The following MYO9A variants were observed in gnomAD, a reference collection of about 807,000 sequenced individuals.
MYO9A encodes the protein unconventional myosin-IXa.
In MYO9A, 103 loss-of-function variants were observed where a neutral mutation model predicts 293.3. The ratio of observed to expected loss-of-function variants is 0.35; its 90% CI spans 0.30 to 0.41. MYO9A has a LOEUF of 0.41. MYO9A is among the 10% of genes least tolerant of loss of function. The pLI, the probability that MYO9A is intolerant of heterozygous loss-of-function variation, is 1.00. For missense variants in MYO9A, 2,685 were observed against 3,033.0 expected (o/e 0.89, Z 2.69); for synonymous variants, 1,001 against 1,035.7 (o/e 0.97, Z 0.64).
chr15:72,044,821 G>A (rs1382611734), intron 2 of MYO9A, among the ~76,000 whole-genome samples: 1 of 151,968 alleles, frequency 6.6e-6, no homozygotes, highest in African/African-American at 2.4e-5. Flanking sequence ...AGTTAGACAC[G>A]ACCTGACTCT....
At chr15:72,044,463 A>G (rs2078322885) in intron 2 of MYO9A, among the ~76,000 whole-genome samples, 1 of 152,126 alleles carries the variant, frequency 6.6e-6, no homozygotes, top group South Asian at 2.1e-4. Context: ...CACAGTCATC[A>G]TGAAGTACAA....
intron 15 of MYO9A, among the ~76,000 whole-genome samples, chr15:71,939,378 CCTCA>C (rs1299564302): frequency 4.6e-5 from 7 of 152,148 alleles, no homozygotes; most frequent in African/African-American, 1.7e-4. Context: ...TTCAACTAGA[CCTCA>C]CTGTCTGTTG....
intron 1 of MYO9A, among the ~76,000 whole-genome samples, chr15:72,083,232 C>T (rs1174742160): frequency 6.6e-6 from 1 of 152,092 alleles, no homozygotes; most frequent in Non-Finnish European, 1.5e-5. Flanking sequence ...CCAATTTCTT[C>T]CTGGTTGAGT....
At chr15:71,852,362 CTTTTT>C (rs1159987320) in intron 35 of MYO9A, 102 bp from the exon 36 acceptor site, 399 of 613,028 alleles carry the variant, frequency 6.5e-4, no homozygotes, top group East Asian at 1.4e-3. Context: ...CTTCATGTTT[CTTTTT>C]TTTTTTTTTT....
chr15:71,959,208 T>C (rs531554973), intron 14 of MYO9A: 1 of 152,326 alleles, frequency 6.6e-6, no homozygotes, highest in East Asian at 1.9e-4. Context: ...ATCTAAAAAA[T>C]GGAAACTAGG....
In MYO9A at chr15:71,996,791, C is replaced by T. The variant is rs80253951; in HGVS notation, c.1471-2206G>A. On this transcript the variant is annotated intron_variant, in intron 9 of 41. Coordinates refer to ENST00000356056, the MANE Select transcript of MYO9A (RefSeq NM_006901.4). ...CGCAGCCTCCGAACTCATCTCTCTA[C>T]ATCCACTCCTGCCTTCTGTGCTTGA... 3.9e-5 allele frequency among the ~76,000 whole-genome samples: 6 copies of T among 152,150 alleles called. No homozygotes were observed. In the East Asian group the frequency reaches 1.2e-3, roughly 29 times the overall value.
chr15:72,101,022 G>A (rs1162272281), intron 1 of MYO9A, among the ~76,000 whole-genome samples: 3 of 138,464 alleles, frequency 2.2e-5, no homozygotes, highest in African/African-American at 5.3e-5. Context: ...GGAGGTAGGC[G>A]GGTCAGCCCC....
chr15:72,109,458 CTA>C (rs2080698395), intron 1 of MYO9A, among the ~76,000 whole-genome samples: 1 of 151,750 alleles, frequency 6.6e-6, no homozygotes. Flanking sequence ...TGGCATAACG[CTA>C]TCTTTTGAAT....
At chr15:71,917,199 C>T (rs1022260354) in intron 18 of MYO9A, among the ~76,000 whole-genome samples, 1 of 152,172 alleles carries the variant, frequency 6.6e-6, no homozygotes, top group African/African-American at 2.4e-5. Context: ...ACAGAGACAA[C>T]AATTAAATAC....
chr15:72,092,293 C>A (rs1312920313), intron 1 of MYO9A, among the ~76,000 whole-genome samples: 1 of 152,152 alleles, frequency 6.6e-6, no homozygotes, highest in Non-Finnish European at 1.5e-5. Context: ...CTAACCTAAT[C>A]CCCTAAGAAC....
chr15:71,997,327 C>A (rs953935285), intron 9 of MYO9A, among the ~76,000 whole-genome samples: 1 of 152,084 alleles, frequency 6.6e-6, no homozygotes, highest in East Asian at 1.9e-4. Context: ...AACAGCCGGG[C>A]GTGGTGGCTC....
chr15:71,827,908 C>G lies in MYO9A; in HGVS notation c.7159G>C (p.Glu2387Gln). 6.2e-7 allele frequency: 1 copy of G among 1,613,604 alleles called. No homozygotes were observed. Residue 2387 changes from glutamate to glutamine, a missense_variant, in exon 41 of 42, where the codon GAA becomes CAA. Around this residue, in one of 10 missense-constraint regions of MYO9A, gnomAD observed 350 missense variants for 328.9 expected, o/e 1.06. Transcript: ENST00000356056. ...DSSENLNMES[E>Q]YAISEKSERS... is the part of the protein sequence containing the mutation. ...CCTGATTTCTCAGAGATAGCATATT[C>G]AGACTCCATATTCAAATTCTCTGAG...
At chr15:71,956,350 T>TATATATATATAAAA (rs1475961500) in intron 14 of MYO9A, among the ~76,000 whole-genome samples, 2 of 121,176 alleles carry the variant, frequency 1.7e-5, no homozygotes, top group African/African-American at 6.6e-5. Context: ...TATATATATA[T>TATATATATATAAAA]AAAATACGCC....
chr15:71,962,428 A>C (rs1422446162), intron 13 of MYO9A, among the ~76,000 whole-genome samples: 1 of 152,150 alleles, frequency 6.6e-6, no homozygotes, highest in Non-Finnish European at 1.5e-5. Flanking sequence ...ACAAGGAAAA[A>C]CAGGAAACAA....
chr15:71,838,016 T>C (rs1322303829), intron 39 of MYO9A, among the ~76,000 whole-genome samples: 1 of 152,132 alleles, frequency 6.6e-6, no homozygotes, highest in Non-Finnish European at 1.5e-5. Flanking sequence ...AGTGTTTTTT[T>C]CCATAATTGT....
rs1340575801 is a variant in MYO9A, at chr15:71,825,995, GTTTTTTTTTTTTT to G, written c.*572_*584del. On this transcript the variant is annotated 3_prime_UTR_variant, in exon 42 of 42. Coordinates refer to ENST00000356056, the MANE Select transcript of MYO9A (RefSeq NM_006901.4). ...ATGGAAACAATCACGGTTTTTTTTT[GTTTTTTTTTTTTT>G]GTTTTTTTTTTTTGTTTTTGCTTTC... is the stretch of plus-strand genomic sequence containing the variant. 2.2e-5 allele frequency: 2 copies of G among 91,526 alleles called. No homozygotes were observed. Among genetic ancestry groups the G allele is most frequent in the Non-Finnish European group, 2.2e-5 (1 of 44,770 alleles). The allele number at this position is 91,526 out of a possible 1,614,324, so 5.7% of individuals were successfully genotyped here.
intron 4 of MYO9A, among the ~76,000 whole-genome samples, chr15:72,024,460 T>G (rs999844635): frequency 2.0e-5 from 3 of 152,104 alleles, no homozygotes; most frequent in Admixed American, 6.5e-5. Flanking sequence ...TTTGTAGAGA[T>G]AAGGTTTTGC....
intron 15 of MYO9A, among the ~76,000 whole-genome samples, chr15:71,944,651 A>G (rs1198651478): frequency 6.6e-6 from 1 of 152,138 alleles, no homozygotes; most frequent in African/African-American, 2.4e-5. Context: ...CAGAAAATCA[A>G]CTGACTGTGT....
chr15:71,956,328 A>ATATATATATATATATATAT (rs1555490908), intron 14 of MYO9A, among the ~76,000 whole-genome samples: 2 of 15,184 alleles, frequency 1.3e-4, no homozygotes, highest in Non-Finnish European at 1.9e-4. Flanking sequence ...AAAAAAAAAA[A>ATATATATATATATATATAT]AAATATATAT....
Sources: gnomAD v4.1 joint callset for allele counts (sites outside exome capture counted in the v4.1 genomes callset) on GRCh38, gnomAD v4.1.1 for gene constraint, gnomAD v4.1.1 regional missense constraint, MANE v1.5 for transcripts, NCBI Gene and HGNC (gene_info 2026-07-23, HGNC 2026-07-21) for gene names.